Variants in FNBP4 observed in about 807,000 individuals in gnomAD.
FNBP4 encodes formin-binding protein 4.
FNBP4 carries 34 observed loss-of-function variants against 119.3 expected under a neutral mutation model. The observed-to-expected ratio is 0.28, with a 90% CI of 0.22 to 0.38. FNBP4 has a LOEUF of 0.38. FNBP4 is among the 10% of genes least tolerant of loss of function. The pLI is 1.00. For synonymous variants in FNBP4, 462 were observed against 430.6 expected, an observed-to-expected ratio of 1.07 and a Z score of -0.90; for missense variants, 1,112 against 1,228.9, an observed-to-expected ratio of 0.90 and a Z score of 1.42.
chr11:47,745,599 C>A (rs2097588759), intron 7 of FNBP4, among the ~76,000 whole-genome samples: 1 of 152,088 alleles, frequency 6.6e-6, no homozygotes, highest in African/African-American at 2.4e-5. Context: ...TGAACATAGA[C>A]CCTTATCAGT....
chr11:47,746,430 C>T, intron 6 of FNBP4, 36 bp from the exon 7 acceptor site: 1 of 1,507,480 alleles, frequency 6.6e-7, no homozygotes, highest in Non-Finnish European at 8.9e-7. Context: ...TCATTTAATT[C>T]TGAAACAAAT....
chr11:47,751,718 A>C (rs1218813775), intron 4 of FNBP4, among the ~76,000 whole-genome samples: 1 of 152,062 alleles, frequency 6.6e-6, no homozygotes, highest in Non-Finnish European at 1.5e-5. Flanking sequence ...TTGGGAGGCC[A>C]AGGTGGGCAG....
intron 15 of FNBP4, among the ~76,000 whole-genome samples, chr11:47,720,461 G>A (rs1208826233): frequency 1.3e-5 from 2 of 151,894 alleles, no homozygotes; most frequent in African/African-American, 4.8e-5. Flanking sequence ...TCAGCTACTC[G>A]GAAGGTTGAG....
intron 2 of FNBP4, among the ~76,000 whole-genome samples, chr11:47,761,429 C>T (rs1378900711): frequency 6.6e-6 from 1 of 152,054 alleles, no homozygotes. Context: ...CCTGTCTCTA[C>T]TAAAAATATA....
Position 47,734,129 on chromosome 11 carries a change from A to T in FNBP4, c.1582T>A (p.Phe528Ile), listed in dbSNP as rs773526678. 19 of 1,558,014 alleles carry T rather than the reference A, an allele frequency of 1.2e-5. No individual in the cohort carries two copies. Among genetic ancestry groups the T allele is most frequent in the Non-Finnish European group, 1.6e-5 (19 of 1,153,762 alleles). Reference sequence around the variant, plus strand: ...GTATTTGCCAGTTCTCCAATCTGAAACTACAATGCAAAAAAGAAAAAAAGT... The same window carrying T: ...GTATTTGCCAGTTCTCCAATCTGAATCTACAATGCAAAAAAGAAAAAAAGT... ...PKVEEEQDLKFQIGELANTLT... is the reference protein window; with the variant it reads ...PKVEEEQDLKIQIGELANTLT... The change falls in exon 10 of 17, where the codon TTT (phenylalanine) becomes ATT (isoleucine). Residue 528 changes from phenylalanine to isoleucine, a missense_variant and splice_region_variant. Transcript: ENST00000263773.
intron 9 of FNBP4, among the ~76,000 whole-genome samples, chr11:47,734,979 C>CCG (rs1554979775): frequency 1.2e-5 from 1 of 82,900 alleles, no homozygotes; most frequent in African/African-American, 4.9e-5. Context: ...CACCCCAACA[C>CCG]CCCCCCCCCC....
At chr11:47,720,907 A>G (rs2097554973) in intron 15 of FNBP4, among the ~76,000 whole-genome samples, 1 of 151,942 alleles carries the variant, frequency 6.6e-6, no homozygotes, top group Admixed American at 6.6e-5. Context: ...AATCGCTTCA[A>G]CCCGGGAGTC....
At chr11:47,731,754 T>G in intron 11 of FNBP4, 193 bp from the exon 12 acceptor site, 2 of 1,349,330 alleles carry the variant, frequency 1.5e-6, no homozygotes, top group African/African-American at 1.5e-5. Context: ...CTATTTGCAC[T>G]GCCAGCAACT....
At chr11:47,723,899 T>G in intron 14 of FNBP4, 129 bp downstream of exon 14, 2 of 777,862 alleles carry the variant, frequency 2.6e-6, no homozygotes, top group South Asian at 2.8e-5. Context: ...TTTTTTTAAG[T>G]AAAATAAATG....
At chr11:47,749,440 T>C (rs2097597400) in intron 6 of FNBP4, among the ~76,000 whole-genome samples, 1 of 151,944 alleles carries the variant, frequency 6.6e-6, no homozygotes, top group African/African-American at 2.4e-5. Context: ...GTGCCTGTAA[T>C]CCAAGCTACT....
At chr11:47,756,564 C>T (rs1013439928) in intron 2 of FNBP4, among the ~76,000 whole-genome samples, 1 of 151,828 alleles carries the variant, frequency 6.6e-6, no homozygotes, top group African/African-American at 2.4e-5. Flanking sequence ...TGTTGTTATA[C>T]TTTAAGTTCT....
chr11:47,766,457 G>T (rs1159129013), intron 1 of FNBP4, among the ~76,000 whole-genome samples: 2 of 152,094 alleles, frequency 1.3e-5, no homozygotes, highest in African/African-American at 2.4e-5. Flanking sequence ...TCCAATTAAC[G>T]AACCAGCGTG....
chr11:47,739,504 T>C (rs543981609), intron 8 of FNBP4, among the ~76,000 whole-genome samples: 373 of 152,280 alleles, frequency 2.4e-3, no homozygotes, highest in Middle Eastern at 0.014. Context: ...ACACACCCCT[T>C]TGACCTGGCA....
chr11:47,752,306 T>C (rs2097605616), intron 4 of FNBP4, among the ~76,000 whole-genome samples: 1 of 151,082 alleles, frequency 6.6e-6, no homozygotes, highest in Non-Finnish European at 1.5e-5. Context: ...GTGCCTGTAA[T>C]CCCAGCTGCT....
intron 2 of FNBP4, among the ~76,000 whole-genome samples, chr11:47,760,258 C>CTTTT (rs2097630590): frequency 7.5e-6 from 1 of 133,842 alleles, no homozygotes. Flanking sequence ...ATTGATCAAA[C>CTTTT]ATTTTTTTTT....
chr11:47,740,311 A>G (rs574675243), intron 8 of FNBP4, among the ~76,000 whole-genome samples: 3 of 150,732 alleles, frequency 2.0e-5, no homozygotes, highest in Non-Finnish European at 4.4e-5. Flanking sequence ...GCTACTCGGG[A>G]GGCTGAGATA....
At position 47,750,381 on chromosome 11, in the gene FNBP4, CAAAAA is replaced by C. The variant is rs59583797; in HGVS notation, c.906+530_906+534del. Among the ~76,000 whole-genome samples the C allele has an allele frequency of 2.0e-4, 5 of 24,750 alleles. No homozygotes were observed. In the East Asian group the frequency reaches 7.0e-3, roughly 34 times the overall value. 16.2% of individuals were successfully genotyped at this position (24,750 alleles called of 152,430 possible). A position where few individuals can be genotyped will look rare whatever the true frequency, so the allele number is the denominator to read the frequency against. ...TGGGCAACAGAGCGAGACTCCATAT[CAAAAA>C]AAAAAAAAAAAAAAAAAAAAAGGCC... On this transcript the variant is annotated intron_variant, in intron 6 of 16. Transcript: ENST00000263773.
rs1488556919 is a variant in FNBP4 at position 47,732,391 on chromosome 11, T to C, written c.1820+146A>G. On this transcript the variant is annotated intron_variant, in intron 11 of 16. Transcript: ENST00000263773. This position sits in a 1 kb window ranked among gnomAD's most constrained non-coding sequence, Gnocchi z 4.2. ...CCAATGTGTGGCTGGCCAAACTTTG[T>C]GCTTGCGGTGCTTTGCCTGCCCAGC... 5 of 1,515,048 alleles carry C rather than the reference T, an allele frequency of 3.3e-6. No individual in the cohort carries two copies. The highest frequency in any genetic ancestry group is 2.7e-5 in the South Asian group (2 of 73,388). 93.9% of individuals were successfully genotyped at this position (1,515,048 alleles called of 1,614,324 possible).
Position 47,746,329 on chromosome 11 carries a change from C to A in FNBP4, c.972G>T (p.Ser324=), listed in dbSNP as rs376370523. 1.2e-6 allele frequency: 2 copies of A among 1,613,894 alleles called. No individual in the cohort carries two copies. The highest frequency in any genetic ancestry group is 2.7e-5 in the African/African-American group (2 of 74,922). The part of the protein sequence containing the change: ...SEEEKKGVAA[S]LLAPLLPEGI... ...CCTCAGGCAATAAAGGAGCAAGCAGCGATGCTGCCACCCCTTTCTTCTCCT... is the reference window on the plus strand; with the variant it reads ...CCTCAGGCAATAAAGGAGCAAGCAGAGATGCTGCCACCCCTTTCTTCTCCT... Residue 324 remains serine (S), a synonymous_variant, in exon 7 of 17, where the codon TCG becomes TCT. Coordinates refer to ENST00000263773, the MANE Select transcript of FNBP4 (RefSeq NM_015308.5).
Sources: gnomAD v4.1 joint callset for allele counts (sites outside exome capture counted in the v4.1 genomes callset) on GRCh38, gnomAD v4.1.1 for gene constraint, Gnocchi (gnomAD v3.1) non-coding constraint, MANE v1.5 for transcripts, NCBI Gene and HGNC (gene_info 2026-07-23, HGNC 2026-07-21) for gene names.